TRIP11: variants seen among roughly 807,000 people sequenced by gnomAD.
The protein encoded by TRIP11 is thyroid hormone receptor interactor 11.
A neutral mutation model predicts 223.1 loss-of-function variants in TRIP11; 148 were observed. The observed-to-expected ratio is 0.66, with a 90% confidence interval of 0.58 to 0.76. The LOEUF (loss-of-function observed/expected upper bound fraction) is 0.76, where lower values mean the gene tolerates loss of function less well. TRIP11 is among the 30% of genes least tolerant of loss of function. The probability of loss-of-function intolerance (pLI) is 0.00; values close to 1 mark genes in which losing one functional copy is unlikely to be tolerated. For missense variants in TRIP11, 2,043 were observed against 2,222.0 expected (o/e 0.92, Z 1.62); for synonymous variants, 762 against 772.6 (o/e 0.99, Z 0.23).
chr14:91,996,589 T>C (rs2056754260), intron 13 of TRIP11, among the ~76,000 whole-genome samples: 1 of 152,116 alleles, frequency 6.6e-6, no homozygotes. Context: ...AGCCTGCAAT[T>C]TTTGTGCTTC....
Position 92,005,699 on chromosome 14 carries a change from C to T in TRIP11, c.2277G>A (p.Leu759=), listed in dbSNP as rs1428626829. 1 of 1,613,782 alleles carries T rather than the reference C, an allele frequency of 6.2e-7. No individual in the cohort carries two copies. Among genetic ancestry groups the T allele is most frequent in the East Asian group, 2.2e-5 (1 of 44,858 alleles). ...ARNLNTSALQ[L]EHEHLIKLNQ... ...TGAGTTTAATTAAATGCTCATGTTC[C>T]AGCTGTAAGGCAGAGGTATTCAAAT... is the stretch of plus-strand genomic sequence containing the variant. The change falls in exon 11 of 21, where the codon CTG becomes CTA. Residue 759 remains leucine, a synonymous_variant. Transcript: ENST00000267622.
intron 9 of TRIP11, among the ~76,000 whole-genome samples, chr14:92,010,420 C>T (rs1176679487): frequency 6.6e-6 from 1 of 152,110 alleles, no homozygotes; most frequent in Non-Finnish European, 1.5e-5. Flanking sequence ...ATCCCAGCAA[C>T]TCAGGAGGTT....
chr14:92,005,028 C>A lies in TRIP11; in HGVS notation c.2948G>T (p.Arg983Ile), dbSNP rs1235666987. 6.2e-7 allele frequency: 1 copy of A among 1,613,962 alleles called. No individual in the cohort carries two copies. The highest frequency in any genetic ancestry group is 1.1e-5 in the South Asian group (1 of 91,068). Residue 983 changes from arginine (R) to isoleucine (I), a missense_variant, in exon 11 of 21, where the codon AGA (arginine) becomes ATA (isoleucine). By Grantham distance (97) the Arg-to-Ile change is moderately conservative. Transcript: ENST00000267622. ...AGAGTTATCTGTTTGAATGTCCTGT[C>A]TTTCTTCATGCAACTGGGTTTTGAT... ...EQIKTQLHEE[R>I]QDIQTDNSDI...
intron 6 of TRIP11, among the ~76,000 whole-genome samples, chr14:92,015,092 C>T (rs886427195): frequency 6.6e-5 from 10 of 151,930 alleles, no homozygotes; most frequent in East Asian, 2.0e-4. Context: ...TTAGTAGAGA[C>T]GGGATTTCGC....
At position 91,969,585 on chromosome 14, in the gene TRIP11, T is replaced by TC. The variant is rs2056375535; in HGVS notation, c.*87dup. 3 of 1,312,124 alleles carry TC rather than the reference T, an allele frequency of 2.3e-6. No homozygotes were observed. The South Asian group carries it at 3.6e-5, about 16-fold the overall frequency. The allele number at this position is 1,312,124 out of a possible 1,614,324, so 81.3% of individuals were successfully genotyped here. On this transcript the variant is annotated 3_prime_UTR_variant, in exon 21 of 21. Transcript: ENST00000267622. ...AATTGCGAACAAATACATGACTTTC[T>TC]CCCCAAAGGCCACTTTGTGATAAAG...
chr14:92,021,927 G>A, intron 3 of TRIP11, 96 bp from the exon 4 acceptor site: 1 of 1,353,730 alleles, frequency 7.4e-7, no homozygotes, highest in Non-Finnish European at 1.0e-6. Context: ...ACAATAATTT[G>A]TCTAAGATTA....
chr14:92,005,534 T>C lies in TRIP11; in HGVS notation c.2442A>G (p.Glu814=). 3.7e-6 allele frequency: 6 copies of C among 1,611,190 alleles called. No homozygotes were observed. The highest frequency in any genetic ancestry group is 5.1e-6 in the Non-Finnish European group (6 of 1,179,540). The change falls in exon 11 of 21, where the codon GAA becomes GAG. Residue 814 remains glutamate, a synonymous_variant. Transcript: ENST00000267622. ...TTTCTTTAAGCTTTTCAATAAAAAT[T>C]TCTTTCTTGTTTATAAGTTGTGTCA... ...KQLTQLINKK[E]IFIEKLKERS...
At chr14:92,017,040 TTTA>T (rs2057043368) in intron 5 of TRIP11, among the ~76,000 whole-genome samples, 1 of 152,204 alleles carries the variant, frequency 6.6e-6, no homozygotes. Context: ...ATATTAGTAT[TTTA>T]TTTTGTCCAT....
In TRIP11 at chr14:92,032,129, A is replaced by G. The variant is rs2057273247; in HGVS notation, c.201+1063T>C. Among the ~76,000 whole-genome samples the G allele has an allele frequency of 2.6e-5, 4 of 152,094 alleles. No homozygotes were observed. The South Asian group carries it at 8.3e-4, about 32-fold the overall frequency. On this transcript the variant is annotated intron_variant, in intron 2 of 20. Coordinates refer to ENST00000267622, the MANE Select transcript of TRIP11 (RefSeq NM_004239.4). ...CCCTAATAATGAATAAAACATTAAA[A>G]TTAATTTGCTATTCCTGTATCCTTT...
chr14:92,005,546 T>C lies in TRIP11; in HGVS notation c.2430A>G (p.Ile810Met). ...LEEQKQLTQL[I>M]NKKEIFIEKL... is the part of the protein sequence containing the mutation. The stretch of plus-strand genomic sequence containing the variant: ...TTTCAATAAAAATTTCTTTCTTGTT[T>C]ATAAGTTGTGTCAACTGCTTCTGCT... Residue 810 changes from isoleucine (I) to methionine (M), a missense_variant, in exon 11 of 21, where the codon ATA becomes ATG. Transcript: ENST00000267622. 1 of 1,611,634 alleles carries C rather than the reference T, an allele frequency of 6.2e-7. No homozygotes were observed. Among genetic ancestry groups the C allele is most frequent in the African/African-American group, 1.3e-5 (1 of 74,760 alleles).
rs2056852778 is a variant in TRIP11 at position 92,003,420 on chromosome 14, T to C, written c.4556A>G (p.Gln1519Arg). ...TACAATACTCCATCCAGAACACACC[T>C]GTTCTTTCTCTTTCAATAGCTGTTC... ...AFEQLLKEKE[Q>R]GKTGELNQLL... The change falls in exon 11 of 21, where the codon CAG (glutamine) becomes CGG (arginine). Residue 1519 changes from glutamine (Q) to arginine (R), a missense_variant and splice_region_variant. Gln to Arg is a conservative substitution (Grantham distance 43). Transcript: ENST00000267622. 4 of 1,612,862 alleles carry C rather than the reference T, an allele frequency of 2.5e-6. No homozygotes were observed. The highest frequency in any genetic ancestry group is 1.7e-5 in the Admixed American group (1 of 60,002).
chr14:92,000,113 T>C lies in TRIP11; in HGVS notation c.4558-5A>G, dbSNP rs146122076. ...ATTTAACTCTCCAGTCTTGCCCTTT[T>C]GGAAAGAAAAAATTTTAGCTTTAAA... On this transcript the variant is annotated splice_polypyrimidine_tract_variant and splice_region_variant and intron_variant, in intron 11 of 20. Transcript: ENST00000267622. 4.8e-5 allele frequency: 77 copies of C among 1,613,828 alleles called. No individual in the cohort carries two copies. The East Asian group carries it at 1.7e-3, about 36-fold the overall frequency.
chr14:92,034,436 A>AAAAAAAAAAAAAAG (rs2057302312), intron 1 of TRIP11, among the ~76,000 whole-genome samples: 1 of 151,166 alleles, frequency 6.6e-6, no homozygotes, highest in African/African-American at 2.4e-5. Flanking sequence ...AAAAAAAAAA[A>AAAAAAAAAAAAAAG]GGAAAGGGAG....
chr14:91,998,931 A>G (rs774248968), intron 13 of TRIP11, among the ~76,000 whole-genome samples: 1 of 152,180 alleles, frequency 6.6e-6, no homozygotes, highest in Non-Finnish European at 1.5e-5. Flanking sequence ...AACAGAGCCA[A>G]TTAAAATCAG....
At chr14:92,008,326 C>T (rs981459804) in intron 9 of TRIP11, among the ~76,000 whole-genome samples, 1 of 152,192 alleles carries the variant, frequency 6.6e-6, no homozygotes, top group Admixed American at 6.6e-5. Flanking sequence ...CACTCCTTCA[C>T]CCAAATGTTT....
chr14:92,016,746 C>T (rs2057039914), intron 5 of TRIP11, among the ~76,000 whole-genome samples: 1 of 152,144 alleles, frequency 6.6e-6, no homozygotes, highest in Admixed American at 6.5e-5. Flanking sequence ...TTATCATGGT[C>T]TCCATTGATA....
chr14:91,993,852 T>C lies in TRIP11; in HGVS notation c.5117A>G (p.Lys1706Arg). ...EKQKQLIAEW[K>R]KNAENLEGKV... ...TCCTTCCAGATTTTCTGCGTTTTTC[T>C]TCCATTCAGCTATAAGCTGTTTTTG... The change falls in exon 15 of 21, where the codon AAG (lysine) becomes AGG (arginine). Residue 1706 changes from lysine to arginine, a missense_variant. By Grantham distance (26) the Lys-to-Arg change is conservative. Coordinates refer to ENST00000267622, the MANE Select transcript of TRIP11 (RefSeq NM_004239.4). 6.2e-7 allele frequency: 1 copy of C among 1,613,872 alleles called. No homozygotes were observed. The highest frequency in any genetic ancestry group is 8.5e-7 in the Non-Finnish European group (1 of 1,179,954).
chr14:92,018,824 G>C (rs2057070730), intron 4 of TRIP11, among the ~76,000 whole-genome samples: 1 of 151,636 alleles, frequency 6.6e-6, no homozygotes, highest in South Asian at 2.1e-4. Flanking sequence ...AGCTGGGAGT[G>C]GTGGCGGGTG....
chr14:92,035,734 T>C lies in TRIP11; in HGVS notation c.140-2481A>G, dbSNP rs1005490445. Among the ~76,000 whole-genome samples, 14 of 152,012 alleles carry C rather than the reference T, an allele frequency of 9.2e-5. No homozygotes were observed. The East Asian group carries it at 2.5e-3, about 27-fold the overall frequency. Reference sequence around the variant, plus strand: ...CTGGGACTATAGGCCTGCGCCACCATGCCCGGCTAATTTTTGTATTTTTTA... The same window carrying C: ...CTGGGACTATAGGCCTGCGCCACCACGCCCGGCTAATTTTTGTATTTTTTA... On this transcript the variant is annotated intron_variant, in intron 1 of 20. Transcript: ENST00000267622.
Sources: allele counts gnomAD v4.1 joint callset (sites outside exome capture counted in the v4.1 genomes callset), GRCh38; gene constraint gnomAD v4.1.1; transcripts MANE v1.5; gene names NCBI Gene and HGNC (gene_info 2026-07-23, HGNC 2026-07-21).